Variants in CTBP2 observed in about 807,000 individuals in gnomAD.
The protein encoded by CTBP2 is C-terminal-binding protein 2.
CTBP2 carries 30 observed loss-of-function variants against 80.3 expected under a neutral mutation model. The observed-to-expected ratio is 0.37, with a 90% CI of 0.28 to 0.51. CTBP2 has a LOEUF of 0.51. Ranked by LOEUF, CTBP2 falls within the 20% of genes least tolerant of loss-of-function variation. CTBP2 has a pLI of 0.93. For missense variants in CTBP2, 1,212 were observed against 1,375.3 expected, an observed-to-expected ratio of 0.88 and a Z score of 1.88; for synonymous variants, 594 against 587.4, an observed-to-expected ratio of 1.01 and a Z score of -0.16.
chr10:125,161,813 G>A (rs970307068), upstream of CTBP2, among the ~76,000 whole-genome samples: 1 of 152,140 alleles, frequency 6.6e-6, no homozygotes, highest in Non-Finnish European at 1.5e-5. Flanking sequence ...GGAGGGAGGC[G>A]CGCTGCGGCG....
chr10:125,043,189 C>T (rs921188105), intron 2 of CTBP2, among the ~76,000 whole-genome samples: 3 of 152,118 alleles, frequency 2.0e-5, no homozygotes, highest in Non-Finnish European at 2.9e-5. Context: ...AAAGGAAAAA[C>T]GGCACATTTT....
At chr10:125,044,178 C>T (rs540740933) in intron 2 of CTBP2, among the ~76,000 whole-genome samples, 1 of 152,324 alleles carries the variant, frequency 6.6e-6, no homozygotes, top group South Asian at 2.1e-4. Context: ...GGACTCACTC[C>T]TGGAAAGCTT....
intron 2 of CTBP2, among the ~76,000 whole-genome samples, chr10:125,090,567 A>G (rs1295486379): frequency 1.3e-5 from 2 of 151,912 alleles, no homozygotes. Flanking sequence ...GTTTGACACC[A>G]GCTTGGGCAA....
intron 2 of CTBP2, among the ~76,000 whole-genome samples, chr10:125,090,595 T>G (rs962795298): frequency 2.1e-4 from 32 of 151,896 alleles, no homozygotes; most frequent in African/African-American, 7.2e-4. Context: ...AGACCCGACC[T>G]CTACCAAAAG....
At chr10:125,048,551 A>G (rs190863447) in intron 2 of CTBP2, among the ~76,000 whole-genome samples, 5 of 152,286 alleles carry the variant, frequency 3.3e-5, no homozygotes, top group African/African-American at 1.2e-4. Context: ...CCGAGACGCT[A>G]GCTGGGGGTC....
chr10:125,093,824 G>GC (rs557308463), intron 2 of CTBP2, among the ~76,000 whole-genome samples: 405 of 152,290 alleles, frequency 2.7e-3, no homozygotes, highest in African/African-American at 7.5e-3. Context: ...CCCTCCCACG[G>GC]CCTCGCTGGG....
At position 124,987,934 on chromosome 10, in the gene CTBP2, C is replaced by T. The variant is rs573847195; in HGVS notation, c.*1584G>A. 15 of 152,382 alleles carry T rather than the reference C, an allele frequency of 9.8e-5. No homozygotes were observed. Among genetic ancestry groups the T allele is most frequent in the African/African-American group, 3.6e-4 (15 of 41,542 alleles). The allele number at this position is 152,382 out of a possible 1,614,324, so 9.4% of individuals were successfully genotyped here. A position where few individuals can be genotyped will look rare whatever the true frequency, so the allele number is the denominator to read the frequency against. ...ACTCATGGGACTATTTGCAACACTT[C>T]TTTGTAAATATCATTTTGTTTGTTA... On this transcript the variant is annotated 3_prime_UTR_variant, in exon 9 of 9. Coordinates refer to ENST00000309035, the MANE Select transcript of CTBP2 (RefSeq NM_022802.3).
chr10:125,026,549 C>A lies in CTBP2; in HGVS notation c.1211G>T (p.Arg404Leu). The A allele has an allele frequency of 6.4e-7, 1 of 1,564,170 alleles. No homozygotes were observed. The highest frequency in any genetic ancestry group is 8.6e-7 in the Non-Finnish European group (1 of 1,156,470). Reference sequence around the variant, plus strand: ...CTGAGATGGTGCGCTGGAGGGACGGCGAGCCGGGTCTCCAGCTCGGGGGGA... The same window carrying A: ...CTGAGATGGTGCGCTGGAGGGACGGAGAGCCGGGTCTCCAGCTCGGGGGGA... Residue 404 changes from arginine to leucine, a missense_variant, in exon 1 of 9, where the codon CGC (arginine) becomes CTC (leucine). By Grantham distance (102) the Arg-to-Leu change is moderately radical (BLOSUM62 -2). Transcript: ENST00000309035.
At position 124,998,139 on chromosome 10, in the gene CTBP2, G is replaced by A. The variant is rs149564026; in HGVS notation, c.2010C>T (p.Ala670=). ...TGGTAGAGTCCGCTGTCTCTTCCAC[G>A]GCTGCAGACGGGATGTTGCACACGG... The change falls in exon 4 of 9, where the codon GCC becomes GCT. Residue 670 remains alanine, a synonymous_variant. Transcript: ENST00000309035. 5.5e-4 allele frequency: 885 copies of A among 1,610,410 alleles called. 2 individuals are homozygous for A. The African/African-American group carries it at 9.2e-3, about 17-fold the overall frequency.
intron 1 of CTBP2, among the ~76,000 whole-genome samples, chr10:125,016,422 A>G (rs1438493742): frequency 2.0e-5 from 3 of 152,250 alleles, no homozygotes; most frequent in Non-Finnish European, 2.9e-5. Context: ...AGTGTTCCAG[A>G]GAAATGAACA....
chr10:125,042,259 A>G (rs1336098311), intron 2 of CTBP2, among the ~76,000 whole-genome samples: 2 of 152,220 alleles, frequency 1.3e-5, no homozygotes, highest in East Asian at 3.8e-4. Context: ...CCATCTTCCA[A>G]TGACAGCCAC....
At chr10:125,104,505 T>C (rs774879866) in intron 2 of CTBP2, among the ~76,000 whole-genome samples, 11 of 152,224 alleles carry the variant, frequency 7.2e-5, no homozygotes, top group Non-Finnish European at 1.5e-4. Flanking sequence ...ATGAAATATG[T>C]ATAAATGTCA....
intron 1 of CTBP2, among the ~76,000 whole-genome samples, chr10:125,157,417 G>A (rs1052386391): frequency 6.7e-6 from 1 of 149,414 alleles, no homozygotes; most frequent in Non-Finnish European, 1.5e-5. Flanking sequence ...GAGCGGGGGG[G>A]AGTCGGTATT....
At chr10:125,041,928 T>TA (rs61316302) in intron 2 of CTBP2, among the ~76,000 whole-genome samples, 118 of 123,186 alleles carry the variant, frequency 9.6e-4, no homozygotes, top group Middle Eastern at 4.0e-3. Context: ...ATTCCACTAT[T>TA]AAAAAAAAAA....
Position 125,100,109 on chromosome 10 carries a change from A to T in CTBP2, c.-102+10881T>A, listed in dbSNP as rs1381071415. ...GCACAGATGTTGTCTACATCTAAAA[A>T]TTCCCAAATACATCAATTAGCATAT... On this transcript the variant is annotated intron_variant, in intron 2 of 10. Transcript: ENST00000337195. Among the ~76,000 whole-genome samples, 4 of 152,350 alleles carry T rather than the reference A, an allele frequency of 2.6e-5. No homozygotes were observed. In the East Asian group the frequency reaches 7.7e-4, roughly 29 times the overall value.
rs757811414 is a variant in CTBP2 at position 125,003,418 on chromosome 10, T to C, written c.1753A>G (p.Thr585Ala). Residue 585 changes from threonine to alanine, a missense_variant, in exon 2 of 9, where the codon ACT becomes GCT. Around this residue, in one of 3 missense-constraint regions of CTBP2, gnomAD observed 29 missense variants for 88.3 expected, o/e 0.33. Coordinates refer to ENST00000309035, the MANE Select transcript of CTBP2 (RefSeq NM_022802.3). ...TCCTTCAGGATGGGCATCTCCACAG[T>C]GCAGTCGCGGCCGTCCAGCAGCGCC... 1.3e-5 allele frequency: 20 copies of C among 1,595,870 alleles called. No individual in the cohort carries two copies. The highest frequency in any genetic ancestry group is 1.2e-4 in the African/African-American group (9 of 73,626).
chr10:125,096,761 G>T (rs1301069550), intron 2 of CTBP2, among the ~76,000 whole-genome samples: 1 of 118,458 alleles, frequency 8.4e-6, no homozygotes, highest in Non-Finnish European at 1.6e-5. Context: ...TTGTTTGGTG[G>T]AATTAACTAG....
In CTBP2 at chr10:125,148,058, A is replaced by G. The variant is rs1025775985; in HGVS notation, c.-206+12261T>C. ...CTTTGCAAAGGCCTCCCAGTGTGGG[A>G]GAGAAGTCCAGCATTTCTTTCCATC... is the stretch of plus-strand genomic sequence containing the variant. On this transcript the variant is annotated intron_variant, in intron 1 of 10. Coordinates refer to the CTBP2 transcript ENST00000337195. Among the ~76,000 whole-genome samples the G allele has an allele frequency of 3.9e-5, 6 of 152,278 alleles. 2 individuals are homozygous for G. Among genetic ancestry groups the G allele is most frequent in the Admixed American group, 3.9e-4 (6 of 15,296 alleles).
At chr10:125,009,334 G>C (rs958003391) in intron 1 of CTBP2, among the ~76,000 whole-genome samples, 4 of 152,156 alleles carry the variant, frequency 2.6e-5, no homozygotes, top group African/African-American at 9.7e-5. Context: ...CTAAGCAGCC[G>C]GTGTGGCTCC....
Sources: allele counts gnomAD v4.1 joint callset (sites outside exome capture counted in the v4.1 genomes callset), GRCh38; gene constraint gnomAD v4.1.1; regional missense constraint gnomAD v4.1.1; transcripts MANE v1.5; gene names NCBI Gene and HGNC (gene_info 2026-07-23, HGNC 2026-07-21).